ABCC4: variants seen among roughly 807,000 people sequenced by gnomAD.
ABCC4 encodes ATP-binding cassette sub-family C member 4.
In ABCC4, 102 loss-of-function variants were observed where a neutral mutation model predicts 168.5. That is an observed-to-expected ratio of 0.61 (90% CI 0.52 to 0.71). The LOEUF is 0.71. ABCC4 is among the 30% of genes least tolerant of loss of function. ABCC4 has a pLI of 0.00. For synonymous variants in ABCC4, 617 were observed against 590.7 expected (o/e 1.04, Z -0.65); for missense variants, 1,402 against 1,605.8 (o/e 0.87, Z 2.17).
In ABCC4 at chr13:95,199,192, T is replaced by C. The variant is rs369463672; in HGVS notation, c.1162-4255A>G. On this transcript the variant is annotated intron_variant, in intron 8 of 30. Coordinates refer to ENST00000645237, the MANE Select transcript of ABCC4 (RefSeq NM_005845.5). ...ACAACACAATGTTTTCTAAACTCTA[T>C]GTGTCTGCCAAGCTCTGGTCTATCT... 7.2e-5 allele frequency among the ~76,000 whole-genome samples: 11 copies of C among 152,362 alleles called. No homozygotes were observed. The East Asian group carries it at 1.7e-3, about 24-fold the overall frequency.
intron 1 of ABCC4, among the ~76,000 whole-genome samples, chr13:95,255,348 G>C (rs1016994297): frequency 6.6e-6 from 1 of 152,184 alleles, no homozygotes; most frequent in Non-Finnish European, 1.5e-5. Flanking sequence ...GGCTCCAAGG[G>C]GAGCCCGACA....
At chr13:95,145,326 G>C (rs754195525) in intron 19 of ABCC4, among the ~76,000 whole-genome samples, 3 of 151,866 alleles carry the variant, frequency 2.0e-5, no homozygotes, top group Non-Finnish European at 4.4e-5. Context: ...CTACCACAAA[G>C]ACACACATGG....
In ABCC4 at chr13:95,049,240, A is replaced by G. The variant is rs188456042; in HGVS notation, c.3456+3855T>C. ...TCCTAGCTACCTGGGAGGCTGAGGC[A>G]GGAGAATCACTTGAACCCAGGAGGT... On this transcript the variant is annotated intron_variant, in intron 27 of 30. Transcript: ENST00000645237. 3.3e-3 allele frequency among the ~76,000 whole-genome samples: 495 copies of G among 152,272 alleles called. 2 individuals are homozygous for G. The highest frequency in any genetic ancestry group is 0.011 in the African/African-American group (476 of 41,554).
At chr13:95,129,252 T>C (rs1282867325) in intron 19 of ABCC4, among the ~76,000 whole-genome samples, 1 of 152,246 alleles carries the variant, frequency 6.6e-6, no homozygotes, top group East Asian at 1.9e-4. Flanking sequence ...TTATTTTACA[T>C]GTTCATTGAA....
At chr13:95,092,464 C>T (rs1171251937) in intron 20 of ABCC4, among the ~76,000 whole-genome samples, 1 of 152,128 alleles carries the variant, frequency 6.6e-6, no homozygotes, top group Non-Finnish European at 1.5e-5. Context: ...AAATAATCTG[C>T]TCCTGAATGA....
chr13:95,262,647 T>G (rs373789825), intron 1 of ABCC4, among the ~76,000 whole-genome samples: 1 of 142,076 alleles, frequency 7.0e-6, no homozygotes, highest in Non-Finnish European at 1.5e-5. Flanking sequence ...TTTTTTTTTT[T>G]CCCAAGACGG....
In ABCC4 at chr13:95,116,020, A is replaced by G. The variant is rs2035366647; in HGVS notation, c.2456-19T>C. 6.3e-7 allele frequency: 1 copy of G among 1,589,454 alleles called. No homozygotes were observed. Among genetic ancestry groups the G allele is most frequent in the Non-Finnish European group, 8.6e-7 (1 of 1,163,244 alleles). On this transcript the variant is annotated intron_variant, in intron 19 of 30. Transcript: ENST00000645237. ...ATTCTTCCTGCAAGAACAGGATATG[A>G]AAAATTACTCATTTCCCCAGATAGA...
chr13:95,186,961 G>A (rs2038085944), intron 10 of ABCC4, 69 bp from the exon 11 acceptor site: 12 of 1,327,020 alleles, frequency 9.0e-6, no homozygotes, highest in Non-Finnish European at 1.1e-5. Flanking sequence ...CTGCAATGCA[G>A]CCTTGCCCAG....
intron 3 of ABCC4, among the ~76,000 whole-genome samples, chr13:95,246,084 C>T (rs1168855509): frequency 6.6e-6 from 1 of 152,162 alleles, no homozygotes; most frequent in Admixed American, 6.5e-5. Flanking sequence ...GGACAAGCTA[C>T]CTGGCAGTGT....
At chr13:95,131,396 G>T (rs1400420322) in intron 19 of ABCC4, among the ~76,000 whole-genome samples, 16 of 152,140 alleles carry the variant, frequency 1.1e-4, no homozygotes, top group Non-Finnish European at 1.5e-5. Flanking sequence ...TGGAGGCTGA[G>T]GTGGGCAGAT....
At chr13:95,282,898 T>A (rs763497551) in intron 1 of ABCC4, among the ~76,000 whole-genome samples, 1 of 152,056 alleles carries the variant, frequency 6.6e-6, no homozygotes, top group Non-Finnish European at 1.5e-5. Flanking sequence ...TCATTACATA[T>A]GTAAAACTTG....
chr13:95,130,704 T>C (rs994590033), intron 19 of ABCC4, among the ~76,000 whole-genome samples: 1 of 152,234 alleles, frequency 6.6e-6, no homozygotes, highest in African/African-American at 2.4e-5. Flanking sequence ...GACTGCATTC[T>C]TCAAGGAAAT....
chr13:95,247,193 ATT>A, intron 2 of ABCC4, 98 bp from the exon 3 acceptor site: 1 of 1,347,656 alleles, frequency 7.4e-7, no homozygotes, highest in Non-Finnish European at 1.0e-6. Flanking sequence ...AAGACAGGGC[ATT>A]TTGTGACGAT....
chr13:95,117,429 G>A (rs534180880), intron 19 of ABCC4, among the ~76,000 whole-genome samples: 2 of 152,316 alleles, frequency 1.3e-5, no homozygotes, highest in Admixed American at 6.5e-5. Context: ...CTGGGGAGGA[G>A]CTGGAGCCTG....
chr13:95,156,564 A>G (rs2036862422), intron 19 of ABCC4, among the ~76,000 whole-genome samples: 1 of 152,216 alleles, frequency 6.6e-6, no homozygotes, highest in Non-Finnish European at 1.5e-5. Flanking sequence ...AACAGGGCTA[A>G]GACACACACA....
At chr13:95,050,283 T>C (rs530913416) in intron 27 of ABCC4, among the ~76,000 whole-genome samples, 1 of 152,350 alleles carries the variant, frequency 6.6e-6, no homozygotes, top group African/African-American at 2.4e-5. Context: ...CCTATCAGAA[T>C]GCCCCCAGCC....
At chr13:95,040,506 G>T (rs1293769849) in intron 29 of ABCC4, among the ~76,000 whole-genome samples, 1 of 152,148 alleles carries the variant, frequency 6.6e-6, no homozygotes, top group Non-Finnish European at 1.5e-5. Context: ...AAAGTGCTGG[G>T]ATTACAGGCA....
At chr13:95,078,809 T>C (rs1161875633) in intron 21 of ABCC4, among the ~76,000 whole-genome samples, 3 of 152,126 alleles carry the variant, frequency 2.0e-5, no homozygotes. Context: ...ATATAGAGAA[T>C]GCCACTGAGA....
chr13:95,253,511 G>A (rs1214217698), intron 1 of ABCC4, among the ~76,000 whole-genome samples: 5 of 151,988 alleles, frequency 3.3e-5, no homozygotes, highest in African/African-American at 7.2e-5. Context: ...TTGGGAGGCC[G>A]AGACAGGTGG....
Sources: gnomAD v4.1 joint callset for allele counts (sites outside exome capture counted in the v4.1 genomes callset) on GRCh38, gnomAD v4.1.1 for gene constraint, MANE v1.5 for transcripts, NCBI Gene and HGNC (gene_info 2026-07-23, HGNC 2026-07-21) for gene names.